Variants in USP43 observed in about 807,000 individuals in gnomAD.
USP43 encodes ubiquitin carboxyl-terminal hydrolase 43.
Under a neutral mutation model 90.7 loss-of-function variants are expected in USP43, and 33 were observed. That is an observed-to-expected ratio of 0.36 (90% CI 0.28 to 0.49). The LOEUF (loss-of-function observed/expected upper bound fraction) is 0.49. Among genes scored for constraint, USP43 ranks in the 20% least tolerant of loss-of-function variants. The pLI, the probability that USP43 is intolerant of heterozygous loss-of-function variation, is 0.98. For missense variants in USP43, 1,274 were observed against 1,476.4 expected, an observed-to-expected ratio of 0.86 and a Z score of 2.25; for synonymous variants, 598 against 615.8, an observed-to-expected ratio of 0.97 and a Z score of 0.43.
intron 1 of USP43, 133 bp downstream of exon 1, chr17:9,646,269 CTTTGT>C (rs1206877080): frequency 2.1e-5 from 25 of 1,207,456 alleles, no homozygotes; most frequent in Non-Finnish European, 2.7e-5. Context: ...GGATTACCGG[CTTTGT>C]TTTGAGTCGA....
At chr17:9,681,033 A>G (rs930759961) in intron 6 of USP43, among the ~76,000 whole-genome samples, 2 of 135,070 alleles carry the variant, frequency 1.5e-5, no homozygotes, top group Non-Finnish European at 3.1e-5. Flanking sequence ...TATGTTATCT[A>G]TTACATATAA....
At chr17:9,673,635 C>T (rs1407545061) in intron 3 of USP43, among the ~76,000 whole-genome samples, 2 of 152,196 alleles carry the variant, frequency 1.3e-5, no homozygotes, top group Admixed American at 6.5e-5. Context: ...AACCAACTGA[C>T]ACCTCACCGA....
At chr17:9,646,252 C>A in intron 1 of USP43, 116 bp downstream of exon 1, 1 of 1,282,368 alleles carries the variant, frequency 7.8e-7, no homozygotes, top group Non-Finnish European at 9.9e-7. Flanking sequence ...TTGACCAGTT[C>A]AGCCCCGGAT....
rs148848237 is a variant in USP43, at chr17:9,675,312, T to C, written c.833+329T>C. On this transcript the variant is annotated intron_variant, in intron 4 of 14. Coordinates refer to ENST00000285199, the MANE Select transcript of USP43 (RefSeq NM_153210.5). The stretch of plus-strand genomic sequence containing the variant: ...TAGAGAAAATCCGTGGCCACCTGCT[T>C]TTTTTTCCCCAGCTTTACTTCAACT... 3.5e-3 allele frequency among the ~76,000 whole-genome samples: 533 copies of C among 152,192 alleles called. 4 individuals are homozygous for C. Among genetic ancestry groups the C allele is most frequent in the African/African-American group, 0.012 (516 of 41,522 alleles).
intron 2 of USP43, among the ~76,000 whole-genome samples, chr17:9,659,202 TAAAAAGATACTGTTTGTCG>T (rs1271306356): frequency 2.6e-5 from 4 of 152,212 alleles, no homozygotes; most frequent in African/African-American, 9.6e-5. Context: ...ATATATTTTT[TAAAAAGATACTGTTTGTCG>T]AATGTTTGTT....
chr17:9,649,156 A>G (rs897928439), intron 1 of USP43, among the ~76,000 whole-genome samples: 1 of 151,898 alleles, frequency 6.6e-6, no homozygotes, highest in Admixed American at 6.6e-5. Flanking sequence ...AAAATACAAA[A>G]ATTAGCCGGG....
chr17:9,687,867 C>A (rs1914682478), intron 8 of USP43, among the ~76,000 whole-genome samples: 1 of 152,208 alleles, frequency 6.6e-6, no homozygotes, highest in Admixed American at 6.5e-5. Flanking sequence ...ATCAGATCCA[C>A]CAAAGTGCCC....
chr17:9,661,417 A>T (rs1243220280), intron 2 of USP43, among the ~76,000 whole-genome samples: 1 of 151,780 alleles, frequency 6.6e-6, no homozygotes, highest in Non-Finnish European at 1.5e-5. Context: ...AGTGCAGTGG[A>T]GTGATCATAG....
Position 9,652,166 on chromosome 17 carries a change from C to G in USP43, c.505-4237C>G, listed in dbSNP as rs548162530. Among the ~76,000 whole-genome samples, 130 of 145,000 alleles carry G rather than the reference C, an allele frequency of 9.0e-4. 3 individuals are homozygous for G. The highest frequency in any genetic ancestry group is 7.4e-4 in the Non-Finnish European group (50 of 67,228). On this transcript the variant is annotated intron_variant, in intron 1 of 14. Transcript: ENST00000285199. Reference sequence around the variant, plus strand: ...TTGAGAGGCCGAGATGGGAGGACCGCTTGAGGCCAGGAGTTCAGCCTGGTC... The same window carrying G: ...TTGAGAGGCCGAGATGGGAGGACCGGTTGAGGCCAGGAGTTCAGCCTGGTC...
At chr17:9,708,639 G>A (rs1415466868) in intron 12 of USP43, among the ~76,000 whole-genome samples, 2 of 152,016 alleles carry the variant, frequency 1.3e-5, no homozygotes, top group African/African-American at 2.4e-5. Flanking sequence ...TGTTGTTGTT[G>A]TTTTTTGAGA....
At chr17:9,702,309 C>T (rs1286504061) in intron 12 of USP43, among the ~76,000 whole-genome samples, 1 of 152,172 alleles carries the variant, frequency 6.6e-6, no homozygotes, top group Non-Finnish European at 1.5e-5. Context: ...ATGATTGCAC[C>T]ACTGTACTCC....
chr17:9,676,730 C>G lies in USP43; in HGVS notation c.834-16C>G, dbSNP rs1314150491. On this transcript the variant is annotated splice_polypyrimidine_tract_variant and intron_variant, in intron 4 of 14. Coordinates refer to ENST00000285199, the MANE Select transcript of USP43 (RefSeq NM_153210.5). The stretch of plus-strand genomic sequence containing the variant: ...ATGTCAGTCCTTTAAGGGTGTTGCC[C>G]CTTCCTATTTTCCAGGTTCTTGAGT... 6.2e-7 allele frequency: 1 copy of G among 1,610,920 alleles called. No homozygotes were observed. The highest frequency in any genetic ancestry group is 1.1e-5 in the South Asian group (1 of 90,536).
intron 9 of USP43, among the ~76,000 whole-genome samples, chr17:9,696,753 T>C (rs1915293061): frequency 6.6e-6 from 1 of 152,226 alleles, no homozygotes; most frequent in African/African-American, 2.4e-5. Context: ...CGGGATAAAG[T>C]CCACACTTGT....
chr17:9,648,350 G>T (rs370663310), intron 1 of USP43, among the ~76,000 whole-genome samples: 2 of 152,336 alleles, frequency 1.3e-5, no homozygotes, highest in African/African-American at 2.4e-5. Context: ...TTTATTGAAT[G>T]TCCAGAGAGT....
chr17:9,679,682 A>G (rs1459918642), intron 5 of USP43, among the ~76,000 whole-genome samples: 20 of 151,890 alleles, frequency 1.3e-4, no homozygotes, highest in Admixed American at 1.3e-3. Context: ...CCCAAAATGC[A>G]TCTTTTTAAC....
intron 9 of USP43, among the ~76,000 whole-genome samples, chr17:9,693,873 T>A (rs1210082328): frequency 1.3e-5 from 2 of 152,110 alleles, no homozygotes; most frequent in African/African-American, 4.8e-5. Context: ...AAACACGAAA[T>A]TCTTTCAATT....
intron 2 of USP43, among the ~76,000 whole-genome samples, chr17:9,662,052 A>T (rs1474637521): frequency 6.6e-6 from 1 of 152,122 alleles, no homozygotes; most frequent in Non-Finnish European, 1.5e-5. Context: ...GAACTGCTCC[A>T]TTCTCTTCCC....
At position 9,688,309 on chromosome 17, in the gene USP43, G is replaced by A. The variant is rs116933788; in HGVS notation, c.1353+1400G>A. Among the ~76,000 whole-genome samples the A allele has an allele frequency of 6.0e-3, 907 of 150,132 alleles. 11 individuals are homozygous for A. Among genetic ancestry groups the A allele is most frequent in the East Asian group, 0.025 (122 of 4,974 alleles). ...GCCAGATGAAACTAATTTCATGTGA[G>A]CATTTAACTCAGCCATCCTTACTCT... On this transcript the variant is annotated intron_variant, in intron 8 of 14. Coordinates refer to ENST00000285199, the MANE Select transcript of USP43 (RefSeq NM_153210.5).
intron 5 of USP43, among the ~76,000 whole-genome samples, chr17:9,679,885 G>A (rs1343571136): frequency 6.6e-6 from 1 of 151,998 alleles, no homozygotes; most frequent in African/African-American, 2.4e-5. Flanking sequence ...GCAATCACGT[G>A]AAAAAGGTTA....
Sources: gnomAD v4.1 joint callset for allele counts (sites outside exome capture counted in the v4.1 genomes callset) on GRCh38, gnomAD v4.1.1 for gene constraint, MANE v1.5 for transcripts, NCBI Gene and HGNC (gene_info 2026-07-23, HGNC 2026-07-21) for gene names.